The following CDKAL1 variants were observed in gnomAD, a reference collection of about 807,000 sequenced individuals.
CDKAL1 encodes the protein CDKAL1 threonylcarbamoyladenosine tRNA methylthiotransferase, also known as threonylcarbamoyladenosine tRNA methylthiotransferase.
In CDKAL1, 32 loss-of-function variants were observed where a neutral mutation model predicts 68.2. That is an observed-to-expected ratio of 0.47 (90% CI 0.35 to 0.63). The LOEUF is 0.63. Among genes scored for constraint, CDKAL1 ranks in the 30% least tolerant of loss-of-function variants. The pLI is 0.00. For missense variants in CDKAL1, 606 were observed against 696.7 expected, an observed-to-expected ratio of 0.87 and a Z score of 1.47; for synonymous variants, 234 against 244.3, an observed-to-expected ratio of 0.96 and a Z score of 0.39.
intron 5 of CDKAL1, among the ~76,000 whole-genome samples, chr6:20,673,130 G>C (rs75360726): frequency 0.093 from 14,094 of 152,232 alleles, 2,097 homozygotes; most frequent in African/African-American, 0.31. Flanking sequence ...TTTAGGAGGT[G>C]AAGTCCTTCT....
At chr6:20,916,390 G>T (rs563033421) in intron 9 of CDKAL1, among the ~76,000 whole-genome samples, 2 of 152,298 alleles carry the variant, frequency 1.3e-5, no homozygotes, top group Non-Finnish European at 2.9e-5. Context: ...TTTTTGGAAG[G>T]ATGGAGGAAG....
chr6:20,785,400 C>T (rs56670052), intron 8 of CDKAL1, among the ~76,000 whole-genome samples: 18 of 151,442 alleles, frequency 1.2e-4, no homozygotes, highest in Non-Finnish European at 2.2e-4. Context: ...ACTGCAACCT[C>T]CGCCTCCTGG....
At chr6:20,914,275 G>A (rs6914586) in intron 9 of CDKAL1, among the ~76,000 whole-genome samples, 144,157 of 152,182 alleles carry the variant, frequency 0.95, 68,321 homozygotes, top group East Asian at 1. Context: ...GGGTGACAGA[G>A]TGAGACTCCA....
intron 13 of CDKAL1, among the ~76,000 whole-genome samples, chr6:21,112,290 CAT>C (rs544276422): frequency 6.1e-4 from 93 of 152,312 alleles, no homozygotes; most frequent in African/African-American, 1.9e-3. Context: ...GCCAAACACA[CAT>C]GTTTATAATC....
Position 20,738,485 on chromosome 6 carries a change from G to GTTT in CDKAL1, c.372-1015_372-1013dup, listed in dbSNP as rs71712438. 5.4e-3 allele frequency among the ~76,000 whole-genome samples: 648 copies of GTTT among 119,610 alleles called. 15 individuals carry two copies. Among genetic ancestry groups the GTTT allele is most frequent in the Middle Eastern group, 9.5e-3 (2 of 210 alleles). 78.5% of individuals were successfully genotyped at this position (119,610 alleles called of 152,430 possible). A position where few individuals can be genotyped will look rare whatever the true frequency, so the allele number is the denominator to read the frequency against. ...TTTGAGCCAGCATTTCTACTTCTTA[G>GTTT]TTTTTTTTTTTTTTTTTTTTTGATA... On this transcript the variant is annotated intron_variant, in intron 5 of 15. Coordinates refer to ENST00000274695, the MANE Select transcript of CDKAL1 (RefSeq NM_017774.3).
chr6:21,170,384 G>C (rs891103806), intron 13 of CDKAL1, among the ~76,000 whole-genome samples: 3 of 152,110 alleles, frequency 2.0e-5, no homozygotes, highest in Non-Finnish European at 4.4e-5. Context: ...ACACAGGCTG[G>C]AGTGCAGTGA....
chr6:21,209,364 C>T (rs1779066098), intron 15 of CDKAL1, among the ~76,000 whole-genome samples: 1 of 152,208 alleles, frequency 6.6e-6, no homozygotes, highest in African/African-American at 2.4e-5. Flanking sequence ...GGAAAAGAAC[C>T]AGGCCCCCGA....
chr6:20,943,336 AAAAAAAAAGAAAAAG>A (rs1764077628), intron 9 of CDKAL1, among the ~76,000 whole-genome samples: 1 of 84,156 alleles, frequency 1.2e-5, no homozygotes, highest in African/African-American at 4.3e-5. Context: ...TTCAAAAAAA[AAAAAAAAAGAAAAAG>A]AAAAAAAGAA....
intron 10 of CDKAL1, among the ~76,000 whole-genome samples, chr6:20,990,637 G>A (rs570913850): frequency 3.9e-5 from 6 of 152,174 alleles, no homozygotes; most frequent in African/African-American, 1.2e-4. Context: ...CCTTTCTTGC[G>A]CTCCCTCATT....
chr6:21,061,553 A>C (rs1351746113), intron 11 of CDKAL1, among the ~76,000 whole-genome samples: 1 of 152,096 alleles, frequency 6.6e-6, no homozygotes, highest in Admixed American at 6.5e-5. Context: ...TAGCATCTTA[A>C]ATATTTGGAT....
At chr6:20,653,581 A>C (rs929189218) in intron 5 of CDKAL1, among the ~76,000 whole-genome samples, 1 of 150,490 alleles carries the variant, frequency 6.6e-6, no homozygotes, top group Non-Finnish European at 1.5e-5. Flanking sequence ...CCTCCCGGGT[A>C]CCTGGGATCA....
chr6:20,636,705 T>C (rs1380154190), intron 4 of CDKAL1, among the ~76,000 whole-genome samples: 1 of 151,936 alleles, frequency 6.6e-6, no homozygotes, highest in Admixed American at 6.6e-5. Flanking sequence ...ATGGATAAAG[T>C]AGAAAGGCCA....
intron 4 of CDKAL1, among the ~76,000 whole-genome samples, chr6:20,636,664 C>T (rs764690494): frequency 2.0e-4 from 31 of 152,190 alleles, no homozygotes; most frequent in South Asian, 8.3e-4. Flanking sequence ...TCTGAAACTC[C>T]GAGTCCTGAG....
chr6:20,941,480 C>G (rs1228744835), intron 9 of CDKAL1, among the ~76,000 whole-genome samples: 2 of 152,142 alleles, frequency 1.3e-5, no homozygotes, highest in Admixed American at 6.5e-5. Flanking sequence ...GTCACAGTCT[C>G]TATTTATAAA....
chr6:20,995,799 A>C (rs781734797), intron 10 of CDKAL1, among the ~76,000 whole-genome samples: 1 of 152,172 alleles, frequency 6.6e-6, no homozygotes, highest in Non-Finnish European at 1.5e-5. Flanking sequence ...GTCAGTCTTT[A>C]TGTCCTCTGA....
chr6:20,917,161 A>G (rs1762758284), intron 9 of CDKAL1, among the ~76,000 whole-genome samples: 1 of 152,002 alleles, frequency 6.6e-6, no homozygotes, highest in Non-Finnish European at 1.5e-5. Flanking sequence ...TTGTATTTGT[A>G]GTAGAGATGT....
chr6:21,058,289 T>C (rs543698298), intron 11 of CDKAL1, among the ~76,000 whole-genome samples: 2 of 152,352 alleles, frequency 1.3e-5, no homozygotes, highest in Admixed American at 1.3e-4. Flanking sequence ...TCTTTTTTTA[T>C]CTTTGTTGGT....
At chr6:20,711,948 G>T (rs1236081435) in intron 5 of CDKAL1, among the ~76,000 whole-genome samples, 1 of 152,086 alleles carries the variant, frequency 6.6e-6, no homozygotes, top group Non-Finnish European at 1.5e-5. Flanking sequence ...CAGACTAAAA[G>T]TTACTCACTA....
intron 4 of CDKAL1, among the ~76,000 whole-genome samples, chr6:20,622,695 A>C (rs58946216): frequency 0.021 from 3,236 of 151,714 alleles, 95 homozygotes; most frequent in African/African-American, 0.071. Flanking sequence ...CCATCTTTAC[A>C]CTTGATCTTA....
Sources: gnomAD v4.1 joint callset for allele counts (sites outside exome capture counted in the v4.1 genomes callset) on GRCh38, gnomAD v4.1.1 for gene constraint, MANE v1.5 for transcripts, NCBI Gene and HGNC (gene_info 2026-07-23, HGNC 2026-07-21) for gene names.